Variants in UNC5C observed in about 807,000 individuals in gnomAD.
UNC5C encodes netrin receptor UNC5C.
Under a neutral mutation model 99.8 loss-of-function variants are expected in UNC5C, and 47 were observed. The ratio of observed to expected loss-of-function variants is 0.47; its 90% CI spans 0.37 to 0.60. The LOEUF is 0.60. Among genes scored for constraint, UNC5C ranks in the 20% least tolerant of loss-of-function variants. The pLI is 0.00. For missense variants in UNC5C, 1,062 were observed against 1,165.9 expected (o/e 0.91, Z 1.30); for synonymous variants, 487 against 452.2 (o/e 1.08, Z -0.98).
intron 11 of UNC5C, among the ~76,000 whole-genome samples, chr4:95,205,766 C>G (rs896442893): frequency 1.4e-4 from 21 of 152,042 alleles, no homozygotes; most frequent in African/African-American, 5.1e-4. Context: ...ATATAAAGAA[C>G]TAGGCTTGTT....
intron 14 of UNC5C, among the ~76,000 whole-genome samples, chr4:95,182,124 G>C (rs1736635361): frequency 6.6e-6 from 1 of 152,176 alleles, no homozygotes; most frequent in Non-Finnish European, 1.5e-5. Flanking sequence ...CAAGGTAACA[G>C]ATAAGGAAGG....
At chr4:95,189,235 T>G (rs755184933) in intron 12 of UNC5C, among the ~76,000 whole-genome samples, 1 of 152,192 alleles carries the variant, frequency 6.6e-6, no homozygotes, top group Non-Finnish European at 1.5e-5. Flanking sequence ...ATGAGCTTGT[T>G]TTGCTTCTGT....
chr4:95,284,425 G>C (rs988705605), intron 3 of UNC5C, among the ~76,000 whole-genome samples: 1 of 152,180 alleles, frequency 6.6e-6, no homozygotes, highest in South Asian at 2.1e-4. Context: ...GTACTTCTTG[G>C]TTGCCATTAT....
At chr4:95,476,585 A>T (rs1044965056) in intron 1 of UNC5C, among the ~76,000 whole-genome samples, 3 of 152,106 alleles carry the variant, frequency 2.0e-5, no homozygotes, top group African/African-American at 7.2e-5. Context: ...ACACGAATTC[A>T]TATTTTGTGA....
chr4:95,528,764 T>C (rs1722560987), intron 1 of UNC5C, among the ~76,000 whole-genome samples: 1 of 152,074 alleles, frequency 6.6e-6, no homozygotes, highest in Non-Finnish European at 1.5e-5. Context: ...AGACAAGAGC[T>C]GTTAAAAGGA....
At chr4:95,282,073 C>T (rs1161358239) in intron 3 of UNC5C, among the ~76,000 whole-genome samples, 1 of 152,054 alleles carries the variant, frequency 6.6e-6, no homozygotes, top group Non-Finnish European at 1.5e-5. Flanking sequence ...TGTGCTTCAC[C>T]AACTAGGCAA....
intron 4 of UNC5C, among the ~76,000 whole-genome samples, chr4:95,271,777 T>A (rs1740676277): frequency 6.6e-6 from 1 of 152,216 alleles, no homozygotes; most frequent in Non-Finnish European, 1.5e-5. Flanking sequence ...TTCCTTAATG[T>A]CTCCATTGGC....
chr4:95,434,560 A>T (rs1013198993), intron 1 of UNC5C, among the ~76,000 whole-genome samples: 4 of 152,040 alleles, frequency 2.6e-5, no homozygotes, highest in African/African-American at 9.7e-5. Context: ...CACTAAATTC[A>T]GACCACCTTC....
chr4:95,417,052 T>C (rs1746184820), intron 1 of UNC5C, among the ~76,000 whole-genome samples: 2 of 152,182 alleles, frequency 1.3e-5, no homozygotes, highest in African/African-American at 4.8e-5. Flanking sequence ...CCAAGGAACA[T>C]GCCCAAGGTA....
In UNC5C at chr4:95,414,267, G is replaced by A. The variant is rs554357718; in HGVS notation, c.125-78636C>T. Reference sequence around the variant, plus strand: ...AGAGAGAGAAAGTTACCAAAAAAGAGCAGATAAGAAAAAAGAAGATGGAGG... The same window carrying A: ...AGAGAGAGAAAGTTACCAAAAAAGAACAGATAAGAAAAAAGAAGATGGAGG... On this transcript the variant is annotated intron_variant, in intron 1 of 15. Transcript: ENST00000453304. Among the ~76,000 whole-genome samples, 3 of 151,830 alleles carry A rather than the reference G, an allele frequency of 2.0e-5. No individual in the cohort carries two copies. The Middle Eastern group carries it at 0.01, about 520-fold the overall frequency.
At position 95,356,440 on chromosome 4, in the gene UNC5C, T is replaced by C. The variant is rs369690322; in HGVS notation, c.125-20809A>G. Among the ~76,000 whole-genome samples the C allele has an allele frequency of 7.2e-5, 11 of 152,282 alleles. No homozygotes were observed. In the South Asian group the frequency reaches 1.2e-3, roughly 17 times the overall value. On this transcript the variant is annotated intron_variant, in intron 1 of 15. Transcript: ENST00000453304. ...GTACTGCTTGGGAGGCATCAGCAAG[T>C]GGTGAAAGGAACATTGAACCATGAG...
intron 1 of UNC5C, among the ~76,000 whole-genome samples, chr4:95,357,292 G>A (rs996446184): frequency 7.9e-5 from 12 of 151,716 alleles, no homozygotes; most frequent in African/African-American, 2.9e-4. Flanking sequence ...ATGTGCCACT[G>A]CACCCAGATA....
chr4:95,185,270 G>GTTTC, intron 12 of UNC5C, 74 bp from the exon 13 acceptor site: 4 of 1,505,806 alleles, frequency 2.7e-6, no homozygotes, highest in East Asian at 2.3e-5. Flanking sequence ...CATTGAATAA[G>GTTTC]TTTCTTTACT....
intron 4 of UNC5C, among the ~76,000 whole-genome samples, chr4:95,275,316 T>G (rs1182300588): frequency 6.6e-6 from 1 of 152,146 alleles, no homozygotes; most frequent in Non-Finnish European, 1.5e-5. Context: ...GAGGTTGAGT[T>G]TGGTCTTGTG....
In UNC5C at chr4:95,363,646, T is replaced by C. The variant is rs1015494704; in HGVS notation, c.125-28015A>G. ...ATGTTCTTTGATATAATGCCCCTTC[T>C]GAAACAGTGCCAAGTTAGTTCATTG... On this transcript the variant is annotated intron_variant, in intron 1 of 15. Transcript: ENST00000453304. Among the ~76,000 whole-genome samples, 10 of 152,266 alleles carry C rather than the reference T, an allele frequency of 6.6e-5. 1 individual carries two copies. In the East Asian group the frequency reaches 1.5e-3, roughly 24 times the overall value.
chr4:95,441,247 C>A (rs893757822), intron 1 of UNC5C, among the ~76,000 whole-genome samples: 3 of 152,146 alleles, frequency 2.0e-5, no homozygotes, highest in Admixed American at 6.5e-5. Flanking sequence ...TCTATTCATT[C>A]CTGAACAAAT....
intron 1 of UNC5C, among the ~76,000 whole-genome samples, chr4:95,513,536 T>C (rs1443819873): frequency 6.6e-6 from 1 of 152,184 alleles, no homozygotes; most frequent in Non-Finnish European, 1.5e-5. Flanking sequence ...TAGTAAATCA[T>C]ATTAATTTCC....
chr4:95,217,710 G>A (rs936376271), intron 9 of UNC5C, among the ~76,000 whole-genome samples: 2 of 152,092 alleles, frequency 1.3e-5, no homozygotes, highest in Non-Finnish European at 2.9e-5. Flanking sequence ...GGAAGAAAAG[G>A]CAGAATCCAA....
chr4:95,503,683 C>T (rs1031424497), intron 1 of UNC5C, among the ~76,000 whole-genome samples: 8 of 152,124 alleles, frequency 5.3e-5, no homozygotes, highest in Non-Finnish European at 8.8e-5. Context: ...GAATAATCAA[C>T]ATGCTTTATG....
Sources: gnomAD v4.1 joint callset for allele counts (sites outside exome capture counted in the v4.1 genomes callset) on GRCh38, gnomAD v4.1.1 for gene constraint, MANE v1.5 for transcripts, NCBI Gene and HGNC (gene_info 2026-07-23, HGNC 2026-07-21) for gene names.